The following EGFR variants were observed in gnomAD, a reference collection of about 807,000 sequenced individuals.
EGFR encodes the protein epidermal growth factor receptor.
Under a neutral mutation model 143.0 loss-of-function variants are expected in EGFR, and 58 were observed. The observed-to-expected ratio is 0.41, with a 90% CI of 0.33 to 0.50. The LOEUF is 0.50. Among genes scored for constraint, EGFR ranks in the 20% least tolerant of loss-of-function variants. The probability of loss-of-function intolerance (pLI) is 0.39; values close to 1 mark genes in which losing one functional copy is unlikely to be tolerated. For synonymous variants in EGFR, 613 were observed against 594.4 expected, an observed-to-expected ratio of 1.03 and a Z score of -0.45; for missense variants, 1,307 against 1,579.0, an observed-to-expected ratio of 0.83 and a Z score of 2.92.
chr7:55,093,995 A>C (rs1377574225), intron 1 of EGFR, among the ~76,000 whole-genome samples: 1 of 152,214 alleles, frequency 6.6e-6, no homozygotes, highest in Non-Finnish European at 1.5e-5. Context: ...CGAGATGGGA[A>C]GTGCAGCCAC....
intron 1 of EGFR, among the ~76,000 whole-genome samples, chr7:55,074,496 C>T (rs1257803481): frequency 6.6e-6 from 1 of 152,214 alleles, no homozygotes; most frequent in Non-Finnish European, 1.5e-5. Context: ...ATCATATTCT[C>T]TCATTCAATG....
At chr7:55,186,252 G>A (rs978006347) in intron 20 of EGFR, among the ~76,000 whole-genome samples, 1 of 152,246 alleles carries the variant, frequency 6.6e-6, no homozygotes, top group African/African-American at 2.4e-5. Flanking sequence ...GAGATAGGCT[G>A]TCATGGAGAA....
chr7:55,158,168 G>A (rs1269815341), intron 11 of EGFR, among the ~76,000 whole-genome samples: 2 of 152,206 alleles, frequency 1.3e-5, no homozygotes, highest in Non-Finnish European at 2.9e-5. Flanking sequence ...ATGCAATTGA[G>A]GTTATGCACA....
chr7:55,118,775 C>G (rs1793022975), intron 1 of EGFR, among the ~76,000 whole-genome samples: 1 of 152,198 alleles, frequency 6.6e-6, no homozygotes, highest in East Asian at 1.9e-4. Flanking sequence ...CAGGACTGCA[C>G]AGGGAGGGGT....
Position 55,211,041 on chromosome 7 carries a change from A to T in EGFR, c.*5424A>T, listed in dbSNP as rs1028994500. 2.0e-5 allele frequency: 3 copies of T among 152,212 alleles called. No homozygotes were observed. The highest frequency in any genetic ancestry group is 4.4e-5 in the Non-Finnish European group (3 of 68,040). 9.4% of individuals were successfully genotyped at this position (152,212 alleles called of 1,614,324 possible). On this transcript the variant is annotated 3_prime_UTR_variant, in exon 28 of 28. Transcript: ENST00000275493. ...CCTCACAAATTATACCTGGGATAAA[A>T]ACTATGTAGCAGGCAGTGTGTTTTC...
intron 1 of EGFR, among the ~76,000 whole-genome samples, chr7:55,035,886 A>G (rs554983406): frequency 5.3e-5 from 8 of 152,204 alleles, no homozygotes; most frequent in African/African-American, 1.9e-4. Flanking sequence ...CTCCTCCAGT[A>G]GTAACATCTT....
At chr7:55,163,968 G>A (rs761690267) in intron 14 of EGFR, 145 bp downstream of exon 14, 10 of 854,510 alleles carry the variant, frequency 1.2e-5, no homozygotes, top group African/African-American at 3.3e-5. Flanking sequence ...CGCTGACAGC[G>A]CTGTCCGGGC....
At chr7:55,175,306 C>T (rs1309668610) in intron 19 of EGFR, among the ~76,000 whole-genome samples, 1 of 152,162 alleles carries the variant, frequency 6.6e-6, no homozygotes, top group Non-Finnish European at 1.5e-5. Context: ...AATATGATGG[C>T]GTGCAGTCTA....
rs78072620 is a variant in EGFR at position 55,199,169 on chromosome 7, C to T, written c.2848+306C>T. Among the ~76,000 whole-genome samples the T allele has an allele frequency of 2.1e-4, 32 of 152,278 alleles. No homozygotes were observed. In the East Asian group the frequency reaches 3.9e-3, roughly 18 times the overall value. On this transcript the variant is annotated intron_variant, in intron 23 of 27. Transcript: ENST00000275493. ...TTACTCAATGAAATACCGAGTTGCC[C>T]TATATTTTGAAGCCTGTTACCAGAG...
intron 1 of EGFR, among the ~76,000 whole-genome samples, chr7:55,108,204 G>T (rs758402448): frequency 6.6e-6 from 1 of 152,200 alleles, no homozygotes; most frequent in Non-Finnish European, 1.5e-5. Context: ...GATAAGAAAT[G>T]GCCATAGGCC....
At chr7:55,121,255 G>A (rs1350175611) in intron 1 of EGFR, among the ~76,000 whole-genome samples, 1 of 152,216 alleles carries the variant, frequency 6.6e-6, no homozygotes, top group Non-Finnish European at 1.5e-5. Context: ...ATATGGAAGA[G>A]AAGGTAAACA....
chr7:55,191,074 A>G (rs1466458156), intron 20 of EGFR, among the ~76,000 whole-genome samples: 10 of 152,148 alleles, frequency 6.6e-5, no homozygotes, highest in Admixed American at 6.5e-4. Flanking sequence ...TGCTTCTCAC[A>G]TATTATTCCT....
chr7:55,125,311 T>C (rs1042813125), intron 1 of EGFR, among the ~76,000 whole-genome samples: 1 of 152,224 alleles, frequency 6.6e-6, no homozygotes, highest in Non-Finnish European at 1.5e-5. Flanking sequence ...TAGTCATAAG[T>C]TGAGTATGCA....
chr7:55,191,766 A>C lies in EGFR; in HGVS notation c.2517A>C (p.Ala839=). The C allele has an allele frequency of 8.1e-6, 13 of 1,614,076 alleles. No individual in the cohort carries two copies. Among genetic ancestry groups the C allele is most frequent in the Non-Finnish European group, 1.1e-5 (13 of 1,180,034 alleles). ...EDRRLVHRDL[A]ARNVLVKTPQ... is the part of the protein sequence containing the mutation. ...GTCGCTTGGTGCACCGCGACCTGGC[A>C]GCCAGGAACGTACTGGTGAAAACAC... The change falls in exon 21 of 28, where the codon GCA becomes GCC. Residue 839 remains alanine, a synonymous_variant. Transcript: ENST00000275493.
Position 55,209,292 on chromosome 7 carries a change from G to A in EGFR, c.*3675G>A, listed in dbSNP as rs760608832. ...AGAGTAGAATAAAAGGCTGGGTAGG[G>A]TAGAGATTCCCATGTGCAGTGGAGA... On this transcript the variant is annotated 3_prime_UTR_variant, in exon 28 of 28. Coordinates refer to ENST00000275493, the MANE Select transcript of EGFR (RefSeq NM_005228.5). 1 of 152,158 alleles carries A rather than the reference G, an allele frequency of 6.6e-6. No homozygotes were observed. The highest frequency in any genetic ancestry group is 1.5e-5 in the Non-Finnish European group (1 of 68,056). The allele number at this position is 152,158 out of a possible 1,614,324, so 9.4% of individuals were successfully genotyped here.
chr7:55,172,391 A>T (rs1314845648), intron 16 of EGFR, among the ~76,000 whole-genome samples: 1 of 152,202 alleles, frequency 6.6e-6, no homozygotes, highest in Admixed American at 6.5e-5. Flanking sequence ...CTGAGGCTGC[A>T]TGATGACATC....
intron 1 of EGFR, among the ~76,000 whole-genome samples, chr7:55,116,767 T>C (rs1792874721): frequency 6.6e-6 from 1 of 152,230 alleles, no homozygotes; most frequent in Non-Finnish European, 1.5e-5. Context: ...TAGGTACTCC[T>C]TTGGGTCAGG....
At chr7:55,121,621 T>G (rs1297099943) in intron 1 of EGFR, among the ~76,000 whole-genome samples, 1 of 152,232 alleles carries the variant, frequency 6.6e-6, no homozygotes, top group Non-Finnish European at 1.5e-5. Context: ...TTGGAACTCC[T>G]GGTTCAGAGA....
chr7:55,148,078 G>C (rs1348763033), intron 4 of EGFR, among the ~76,000 whole-genome samples: 1 of 152,172 alleles, frequency 6.6e-6, no homozygotes, highest in Non-Finnish European at 1.5e-5. Context: ...TTTGAATAAT[G>C]CTGCTGTGAA....
Sources: gnomAD v4.1 joint callset for allele counts (sites outside exome capture counted in the v4.1 genomes callset) on GRCh38, gnomAD v4.1.1 for gene constraint, MANE v1.5 for transcripts, NCBI Gene and HGNC (gene_info 2026-07-23, HGNC 2026-07-21) for gene names.